ZC3H7A: variants seen among roughly 807,000 people sequenced by gnomAD.
ZC3H7A encodes the protein zinc finger CCCH domain-containing protein 7A.
In ZC3H7A, 44 loss-of-function variants were observed where a neutral mutation model predicts 125.5. The ratio of observed to expected loss-of-function variants is 0.35; its 90% confidence interval spans 0.28 to 0.45. The LOEUF (loss-of-function observed/expected upper bound fraction) is 0.45, where lower values mean the gene tolerates loss of function less well. Among genes scored for constraint, ZC3H7A ranks in the 20% least tolerant of loss-of-function variants. The pLI is 1.00. For synonymous variants in ZC3H7A, 399 were observed against 391.2 expected, an observed-to-expected ratio of 1.02 and a Z score of -0.23; for missense variants, 977 against 1,170.7, an observed-to-expected ratio of 0.83 and a Z score of 2.41.
intron 19 of ZC3H7A, among the ~76,000 whole-genome samples, chr16:11,761,143 G>A (rs2052745756): frequency 6.6e-6 from 1 of 152,032 alleles, no homozygotes; most frequent in Non-Finnish European, 1.5e-5. Flanking sequence ...TAAAAAATAA[G>A]TTAAATTGTC....
At position 11,776,526 on chromosome 16, in the gene ZC3H7A, G is replaced by A; in HGVS notation, c.472C>T (p.His158Tyr). 2 of 1,605,660 alleles carry A rather than the reference G, an allele frequency of 1.2e-6. No homozygotes were observed. Among genetic ancestry groups the A allele is most frequent in the Non-Finnish European group, 1.7e-6 (2 of 1,177,196 alleles). Residue 158 changes from histidine (H) to tyrosine (Y), a missense_variant, in exon 6 of 23, where the codon CAT becomes TAT. Physicochemically the swap from His to Tyr is moderately conservative, Grantham distance 83. Coordinates refer to ENST00000355758, the MANE Select transcript of ZC3H7A (RefSeq NM_014153.4). ...KCSLAVPQDE[H>Y]VIKLTQELAQ... Reference sequence around the variant, plus strand: ...AGTTCTTGAGTTAGTTTTATTACATGCTCATCCTGAAAAAAATAAGTATGT... The same window carrying A: ...AGTTCTTGAGTTAGTTTTATTACATACTCATCCTGAAAAAAATAAGTATGT...
chr16:11,752,635 TTC>T, intron 22 of ZC3H7A, 32 bp downstream of exon 22: 1 of 1,587,022 alleles, frequency 6.3e-7, no homozygotes, highest in Non-Finnish European at 8.6e-7. Flanking sequence ...AGGTCAGCAA[TTC>T]TGACATGGAA....
chr16:11,773,814 C>T (rs1227897242), intron 9 of ZC3H7A, among the ~76,000 whole-genome samples: 1 of 149,406 alleles, frequency 6.7e-6, no homozygotes, highest in East Asian at 1.9e-4. Flanking sequence ...ACCCGGGAGG[C>T]GGAGCTTACA....
chr16:11,780,800 A>G (rs1205587073), intron 3 of ZC3H7A, among the ~76,000 whole-genome samples: 2 of 152,210 alleles, frequency 1.3e-5, no homozygotes, highest in Admixed American at 6.5e-5. Context: ...ACCAATAGTT[A>G]GTAGAGACAA....
chr16:11,792,151 A>G (rs2053366300), intron 1 of ZC3H7A, among the ~76,000 whole-genome samples: 2 of 152,120 alleles, frequency 1.3e-5, no homozygotes, highest in Non-Finnish European at 2.9e-5. Flanking sequence ...CAAGCAATCC[A>G]CCCACCTTAG....
chr16:11,765,656 A>T lies in ZC3H7A; in HGVS notation c.1552T>A (p.Ser518Thr), dbSNP rs1030206619. ...CAATAAGCAAACGTGCAGTGGCCTG[A>T]ATATCTACATTCCTCCTCAGCAGCA... is the stretch of plus-strand genomic sequence containing the variant. ...DVAAEEECRYSGHCTFAYCQE... is the reference protein window; with the variant it reads ...DVAAEEECRYTGHCTFAYCQE... Residue 518 changes from serine (S) to threonine (T), a missense_variant, in exon 14 of 23, where the codon TCA becomes ACA. Physicochemically the swap from Ser to Thr is moderately conservative, Grantham distance 58. Around this residue, in one of 3 missense-constraint regions of ZC3H7A, gnomAD observed 436 missense variants for 603.2 expected, o/e 0.72. Transcript: ENST00000355758. The surrounding 1 kb of genome is among the most constrained non-coding windows in gnomAD (Gnocchi z 4.8). The T allele has an allele frequency of 6.2e-7, 1 of 1,613,660 alleles. No individual in the cohort carries two copies. Among genetic ancestry groups the T allele is most frequent in the African/African-American group, 1.3e-5 (1 of 74,918 alleles).
chr16:11,769,780 CTTTCTTTTTTTT>C (rs1567381582), intron 10 of ZC3H7A, among the ~76,000 whole-genome samples: 1 of 55,360 alleles, frequency 1.8e-5, no homozygotes, highest in African/African-American at 1.6e-4. Context: ...TTTTCAATTG[CTTTCTTTTTTTT>C]TTTTTTTTTT....
chr16:11,775,614 C>A (rs2141199053), intron 7 of ZC3H7A: 1 of 152,132 alleles, frequency 6.6e-6, no homozygotes, highest in South Asian at 2.1e-4. Context: ...TTGCCCAACT[C>A]ACAATAGCCA....
At position 11,763,613 on chromosome 16, in the gene ZC3H7A, T is replaced by G; in HGVS notation, c.1867A>C (p.Ile623Leu). 1.2e-6 allele frequency: 2 copies of G among 1,607,186 alleles called. No individual in the cohort carries two copies. Among genetic ancestry groups the G allele is most frequent in the Non-Finnish European group, 1.7e-6 (2 of 1,176,310 alleles). ...LRETTVKYSKIRSFHGQCQLD... is the reference protein window; with the variant it reads ...LRETTVKYSKLRSFHGQCQLD... Reference sequence around the variant, plus strand: ...TGACACTGACCATGAAAAGAACGTATTTTGGAGTATTTTACTGTTGTCTCT... The same window carrying G: ...TGACACTGACCATGAAAAGAACGTAGTTTGGAGTATTTTACTGTTGTCTCT... Residue 623 changes from isoleucine (I) to leucine (L), a missense_variant, in exon 16 of 23, where the codon ATA becomes CTA. Ile to Leu is a conservative substitution (Grantham distance 5, BLOSUM62 2). Coordinates refer to ENST00000355758, the MANE Select transcript of ZC3H7A (RefSeq NM_014153.4).
intron 9 of ZC3H7A, among the ~76,000 whole-genome samples, chr16:11,771,586 C>A (rs78016594): frequency 0.027 from 4,148 of 151,710 alleles, 215 homozygotes; most frequent in African/African-American, 0.095. Flanking sequence ...CTGCAACCTC[C>A]GCCTTCTGAG....
chr16:11,788,004 T>C (rs1318579146), intron 1 of ZC3H7A, among the ~76,000 whole-genome samples: 1 of 151,352 alleles, frequency 6.6e-6, no homozygotes, highest in South Asian at 2.1e-4. Context: ...TCCAGCCCCA[T>C]ACTCCTTTTT....
At chr16:11,794,841 G>C (rs2053409510) in intron 1 of ZC3H7A, among the ~76,000 whole-genome samples, 2 of 152,336 alleles carry the variant, frequency 1.3e-5, no homozygotes, top group East Asian at 1.9e-4. Context: ...CAATGTGGCT[G>C]ACAAGCCACC....
At chr16:11,752,857 C>T in intron 21 of ZC3H7A, 25 bp from the exon 22 acceptor site, 1 of 1,603,894 alleles carries the variant, frequency 6.2e-7, no homozygotes, top group South Asian at 1.1e-5. Flanking sequence ...AGACACATGT[C>T]CCATTAGTCA....
intron 20 of ZC3H7A, among the ~76,000 whole-genome samples, chr16:11,757,678 T>C (rs180911676): frequency 2.0e-5 from 3 of 152,116 alleles, no homozygotes; most frequent in Non-Finnish European, 2.9e-5. Flanking sequence ...GCAGGAGTCA[T>C]TGCAAAAGCC....
chr16:11,769,784 C>T (rs955226494), intron 10 of ZC3H7A, among the ~76,000 whole-genome samples: 41 of 61,576 alleles, frequency 6.7e-4, no homozygotes, highest in Middle Eastern at 0.014. Flanking sequence ...CAATTGCTTT[C>T]TTTTTTTTTT....
chr16:11,779,273 T>G lies in ZC3H7A; in HGVS notation c.199A>C (p.Thr67Pro). ...HDWNNSISQY[T>P]EALNIADYAK... ...TAATCAGCTATATTCAAGGCTTCCG[T>G]GTACTGGCTTATCGAGTTGTTCCAA... is the stretch of plus-strand genomic sequence containing the variant. The change falls in exon 4 of 23, where the codon ACG becomes CCG. Residue 67 changes from threonine to proline, a missense_variant. Physicochemically the swap from Thr to Pro is conservative, Grantham distance 38. Transcript: ENST00000355758. 1 of 1,614,122 alleles carries G rather than the reference T, an allele frequency of 6.2e-7. No homozygotes were observed. Among genetic ancestry groups the G allele is most frequent in the Non-Finnish European group, 8.5e-7 (1 of 1,180,004 alleles).
At chr16:11,784,095 A>T (rs968046538) in intron 1 of ZC3H7A, among the ~76,000 whole-genome samples, 2 of 152,214 alleles carry the variant, frequency 1.3e-5, no homozygotes, top group Non-Finnish European at 2.9e-5. Flanking sequence ...TGTTTGAAAC[A>T]TTACAAAATA....
At chr16:11,781,699 C>G (rs2053176729) in intron 2 of ZC3H7A, among the ~76,000 whole-genome samples, 1 of 150,126 alleles carries the variant, frequency 6.7e-6, no homozygotes, top group Non-Finnish European at 1.5e-5. Context: ...TTTTTAAGTA[C>G]AACACTTTAC....
At chr16:11,789,498 C>T (rs1427316612) in intron 1 of ZC3H7A, among the ~76,000 whole-genome samples, 2 of 152,086 alleles carry the variant, frequency 1.3e-5, no homozygotes, top group Admixed American at 6.6e-5. Flanking sequence ...AGGTGATCGG[C>T]CTGCCTTGGC....
Sources: allele counts gnomAD v4.1 joint callset (sites outside exome capture counted in the v4.1 genomes callset), GRCh38; gene constraint gnomAD v4.1.1; regional missense constraint gnomAD v4.1.1; non-coding constraint Gnocchi (gnomAD v3.1); transcripts MANE v1.5; gene names NCBI Gene and HGNC (gene_info 2026-07-23, HGNC 2026-07-21).